Variants in LRBA observed in about 807,000 individuals in gnomAD.
LRBA encodes the protein lipopolysaccharide-responsive and beige-like anchor protein.
In LRBA, 176 loss-of-function variants were observed where a neutral mutation model predicts 330.0. That is an observed-to-expected ratio of 0.53 (90% CI 0.47 to 0.60). The LOEUF (loss-of-function observed/expected upper bound fraction) is 0.60, where lower values mean the gene tolerates loss of function less well. Among genes scored for constraint, LRBA ranks in the 20% least tolerant of loss-of-function variants. The pLI is 0.00. For missense variants in LRBA, 3,259 were observed against 3,444.8 expected, an observed-to-expected ratio of 0.95 and a Z score of 1.35; for synonymous variants, 1,230 against 1,193.0, an observed-to-expected ratio of 1.03 and a Z score of -0.64.
Position 150,308,632 on chromosome 4 carries a change from A to G in LRBA, c.7849+1597T>C, listed in dbSNP as rs546199914. ...GCTCCATGCGTGTTCTTGCCCCTGA[A>G]GACCTTCCAGTGGGACAAGAATGTG... is the stretch of plus-strand genomic sequence containing the variant. On this transcript the variant is annotated intron_variant, in intron 52 of 56. Transcript: ENST00000651943. Among the ~76,000 whole-genome samples, 14 of 152,340 alleles carry G rather than the reference A, an allele frequency of 9.2e-5. No homozygotes were observed. In the East Asian group the frequency reaches 2.7e-3, roughly 29 times the overall value.
chr4:150,401,988 T>C (rs552562063), intron 47 of LRBA, among the ~76,000 whole-genome samples: 10 of 152,050 alleles, frequency 6.6e-5, no homozygotes, highest in Middle Eastern at 3.4e-3. Context: ...ATAGTGAACC[T>C]GAGAAAAGTG....
At chr4:150,840,681 T>C (rs1364996303) in intron 28 of LRBA, 4 of 158,562 alleles carry the variant, frequency 2.5e-5, no homozygotes, top group African/African-American at 7.2e-5. Context: ...ATGAAAAGGT[T>C]TGAAATATTG....
intron 46 of LRBA, among the ~76,000 whole-genome samples, chr4:150,428,595 T>G (rs1014323862): frequency 1.3e-5 from 2 of 152,146 alleles, no homozygotes; most frequent in Non-Finnish European, 2.9e-5. Context: ...GCTCTTTCAC[T>G]AACTCTTAGA....
At chr4:150,600,595 G>A (rs1344034619) in intron 37 of LRBA, among the ~76,000 whole-genome samples, 2 of 151,932 alleles carry the variant, frequency 1.3e-5, no homozygotes, top group South Asian at 2.1e-4. Flanking sequence ...AGGAGAAGGA[G>A]ATATAATGTA....
intron 34 of LRBA, among the ~76,000 whole-genome samples, chr4:150,769,292 GAC>G (rs1402182805): frequency 6.6e-6 from 1 of 151,898 alleles, no homozygotes; most frequent in Non-Finnish European, 1.5e-5. Flanking sequence ...ATTCTTCAGA[GAC>G]ACAGAACGAA....
chr4:150,499,174 T>A (rs765292985), intron 40 of LRBA, among the ~76,000 whole-genome samples: 1 of 152,186 alleles, frequency 6.6e-6, no homozygotes. Context: ...AATATTCAAA[T>A]TGTTTTTTCT....
intron 47 of LRBA, among the ~76,000 whole-genome samples, chr4:150,363,760 T>C (rs553432826): frequency 6.6e-6 from 1 of 152,366 alleles, no homozygotes; most frequent in South Asian, 2.1e-4. Flanking sequence ...CAGATCTAAT[T>C]ATCCAGTAGG....
intron 36 of LRBA, among the ~76,000 whole-genome samples, chr4:150,705,230 A>AT (rs1785504514): frequency 6.6e-6 from 1 of 152,124 alleles, no homozygotes; most frequent in Admixed American, 6.5e-5. Context: ...TTTTGCTTTT[A>AT]TTAATAAAGC....
In LRBA at chr4:150,963,188, T is replaced by C. The variant is rs1166149663; in HGVS notation, c.217-34123A>G. On this transcript the variant is annotated intron_variant, in intron 2 of 56. Transcript: ENST00000651943. ...TCTGCCTCTCCCCCTCCCCCTCCCC[T>C]TTGCACGGTCCTCGTCTCCCCTTTG... Among the ~76,000 whole-genome samples, 4 of 147,484 alleles carry C rather than the reference T, an allele frequency of 2.7e-5. No individual in the cohort carries two copies. The East Asian group carries it at 7.8e-4, about 29-fold the overall frequency.
chr4:150,452,373 A>T (rs1005504991), intron 44 of LRBA, among the ~76,000 whole-genome samples: 2 of 152,108 alleles, frequency 1.3e-5, no homozygotes, highest in Non-Finnish European at 2.9e-5. Context: ...TATAGAAGGG[A>T]ACTTCTTTGG....
At chr4:150,403,647 A>C (rs566906144) in intron 47 of LRBA, among the ~76,000 whole-genome samples, 1 of 151,796 alleles carries the variant, frequency 6.6e-6, no homozygotes, top group South Asian at 2.1e-4. Flanking sequence ...GGTTTTGTTT[A>C]TTTCTTTTTC....
intron 34 of LRBA, among the ~76,000 whole-genome samples, chr4:150,780,511 G>A (rs568533475): frequency 1.3e-3 from 134 of 106,686 alleles, no homozygotes; most frequent in Non-Finnish European, 2.2e-3. Flanking sequence ...TGACTTTCCT[G>A]GTGTACAGAA....
chr4:150,372,014 C>A (rs1740395585), intron 47 of LRBA, among the ~76,000 whole-genome samples: 1 of 152,158 alleles, frequency 6.6e-6, no homozygotes, highest in Non-Finnish European at 1.5e-5. Flanking sequence ...ATTTTAGCCA[C>A]TTTTAAGCAT....
chr4:150,617,610 C>T (rs1368706218), intron 37 of LRBA, among the ~76,000 whole-genome samples: 2 of 152,150 alleles, frequency 1.3e-5, no homozygotes, highest in African/African-American at 4.8e-5. Flanking sequence ...CCATTGTACT[C>T]CAGCCTGGGC....
intron 40 of LRBA, among the ~76,000 whole-genome samples, chr4:150,508,881 T>G: frequency 6.6e-6 from 1 of 152,210 alleles, no homozygotes; most frequent in Non-Finnish European, 1.5e-5. Flanking sequence ...CTGACATTTA[T>G]AGAACAGTCC....
intron 56 of LRBA, among the ~76,000 whole-genome samples, chr4:150,270,682 C>T (rs932024748): frequency 4.6e-5 from 7 of 152,018 alleles, no homozygotes; most frequent in African/African-American, 1.4e-4. Flanking sequence ...TATGTTGCCA[C>T]AATTTTTTTT....
At chr4:150,655,815 C>A (rs1016051814) in intron 37 of LRBA, among the ~76,000 whole-genome samples, 1 of 152,112 alleles carries the variant, frequency 6.6e-6, no homozygotes, top group African/African-American at 2.4e-5. Context: ...TTTTAAAATA[C>A]CAAATTCTAT....
chr4:150,693,952 A>T (rs899434528), intron 36 of LRBA, among the ~76,000 whole-genome samples: 6 of 152,208 alleles, frequency 3.9e-5, no homozygotes, highest in Non-Finnish European at 8.8e-5. Flanking sequence ...CTAAATTAAT[A>T]ATGTTTAATG....
At chr4:150,598,633 G>C (rs1172115871) in intron 38 of LRBA, among the ~76,000 whole-genome samples, 1 of 152,092 alleles carries the variant, frequency 6.6e-6, no homozygotes, top group Non-Finnish European at 1.5e-5. Flanking sequence ...ATACACAACA[G>C]AACCTAGAAA....
Sources: allele counts gnomAD v4.1 joint callset (sites outside exome capture counted in the v4.1 genomes callset), GRCh38; gene constraint gnomAD v4.1.1; transcripts MANE v1.5; gene names NCBI Gene and HGNC (gene_info 2026-07-23, HGNC 2026-07-21).